The following HP1BP3 variants were observed in gnomAD, a reference collection of about 807,000 sequenced individuals.
HP1BP3 encodes heterochromatin protein 1-binding protein 3.
In HP1BP3, 12 loss-of-function variants were observed where a neutral mutation model predicts 62.5. The observed-to-expected ratio is 0.19, with a 90% CI of 0.12 to 0.31. The LOEUF (loss-of-function observed/expected upper bound fraction) is 0.31, where lower values mean the gene tolerates loss of function less well. Ranked by LOEUF, HP1BP3 falls within the 10% of genes least tolerant of loss-of-function variation. The pLI, the probability that HP1BP3 is intolerant of heterozygous loss-of-function variation, is 1.00. For synonymous variants in HP1BP3, 260 were observed against 237.8 expected, an observed-to-expected ratio of 1.09 and a Z score of -0.86; for missense variants, 502 against 651.8, an observed-to-expected ratio of 0.77 and a Z score of 2.50.
At chr1:20,772,781 GA>G (rs780129259) in intron 5 of HP1BP3, among the ~76,000 whole-genome samples, 1 of 152,190 alleles carries the variant, frequency 6.6e-6, no homozygotes, top group East Asian at 1.9e-4. Flanking sequence ...AAAATTAAAT[GA>G]AAAGACTTAT....
chr1:20,764,708 AC>A (rs567556047), intron 8 of HP1BP3, among the ~76,000 whole-genome samples: 3,890 of 149,028 alleles, frequency 0.026, 76 homozygotes, highest in Middle Eastern at 0.042. Context: ...AAAAAAAAAA[AC>A]CACACAAAAA....
At chr1:20,746,227 T>TGTGTGTGTGTGTGTGTGTGTGTGTG (rs1557633244) in intron 11 of HP1BP3, among the ~76,000 whole-genome samples, 6 of 145,930 alleles carry the variant, frequency 4.1e-5, no homozygotes, top group African/African-American at 1.5e-4. Flanking sequence ...TGTGTGTGTG[T>TGTGTGTGTGTGTGTGTGTGTGTGTG]TTCTTGCCTT....
At chr1:20,757,591 G>C (rs867696928) in intron 8 of HP1BP3, among the ~76,000 whole-genome samples, 1 of 151,828 alleles carries the variant, frequency 6.6e-6, no homozygotes, top group African/African-American at 2.4e-5. Context: ...GGCTGGTCTC[G>C]AACTCCCGAC....
intron 4 of HP1BP3, chr1:20,775,803 C>A: frequency 1.7e-6 from 1 of 574,748 alleles, no homozygotes; most frequent in Non-Finnish European, 2.9e-6. Context: ...CAGACTATCC[C>A]ATAAAGCCTA....
chr1:20,767,251 G>A (rs1454260859), intron 7 of HP1BP3, among the ~76,000 whole-genome samples: 2 of 152,190 alleles, frequency 1.3e-5, no homozygotes. Context: ...AGGAGGCGGA[G>A]GTTGCAGCTA....
At chr1:20,782,988 C>T (rs1200220417) in intron 1 of HP1BP3, among the ~76,000 whole-genome samples, 1 of 149,896 alleles carries the variant, frequency 6.7e-6, no homozygotes. Flanking sequence ...GGCACATGCC[C>T]GTAGTCCCAG....
intron 6 of HP1BP3, among the ~76,000 whole-genome samples, chr1:20,768,648 T>C (rs1419603630): frequency 1.3e-5 from 2 of 152,044 alleles, no homozygotes; most frequent in African/African-American, 4.8e-5. Context: ...GAAACCAGCC[T>C]GGCCAATGTG....
At chr1:20,784,208 G>T (rs1315110795) in intron 1 of HP1BP3, among the ~76,000 whole-genome samples, 1 of 151,994 alleles carries the variant, frequency 6.6e-6, no homozygotes, top group Non-Finnish European at 1.5e-5. Flanking sequence ...GGGCTCAAGC[G>T]ATCCATCTGC....
At chr1:20,776,003 C>T in intron 4 of HP1BP3, 1 of 1,425,292 alleles carries the variant, frequency 7.0e-7, no homozygotes, top group Non-Finnish European at 9.3e-7. Context: ...ACTATCAGCT[C>T]TCCTGCAAAA....
At chr1:20,756,425 G>C (rs1381897115) in intron 9 of HP1BP3, among the ~76,000 whole-genome samples, 5 of 151,830 alleles carry the variant, frequency 3.3e-5, no homozygotes, top group African/African-American at 4.8e-5. Flanking sequence ...AATTGGGGAA[G>C]ACGGATTATA....
intron 4 of HP1BP3, chr1:20,775,713 C>A: frequency 2.9e-6 from 1 of 348,520 alleles, no homozygotes; most frequent in Middle Eastern, 7.6e-4. Context: ...TTTAAATACA[C>A]AAATACTTAC....
In HP1BP3 at chr1:20,772,484, A is replaced by C. The variant is rs146910612; in HGVS notation, c.510+967T>G. Among the ~76,000 whole-genome samples the C allele has an allele frequency of 1.8e-4, 27 of 151,502 alleles. No individual in the cohort carries two copies. In the East Asian group the frequency reaches 5.0e-3, roughly 28 times the overall value. On this transcript the variant is annotated intron_variant, in intron 5 of 12. Transcript: ENST00000438032. ...AGATTTCACTACAGTGAGGTAATCT[A>C]GACCAATAAAGTTTTCTTAATGAGG...
chr1:20,784,502 C>A (rs1288352931), intron 1 of HP1BP3, among the ~76,000 whole-genome samples: 1 of 138,506 alleles, frequency 7.2e-6, no homozygotes, highest in Non-Finnish European at 1.5e-5. Context: ...TTTTTGAGAC[C>A]GAGTCTTGCT....
chr1:20,768,854 A>G (rs1247763579), intron 6 of HP1BP3, among the ~76,000 whole-genome samples: 1 of 152,188 alleles, frequency 6.6e-6, no homozygotes, highest in Non-Finnish European at 1.5e-5. Context: ...CACAATAACT[A>G]AAGTCCTCCA....
intron 11 of HP1BP3, 66 bp downstream of exon 11, chr1:20,747,477 TA>T: frequency 1.0e-6 from 1 of 997,010 alleles, no homozygotes; most frequent in South Asian, 1.5e-5. Flanking sequence ...AAGGGTAAAA[TA>T]AATTAAACTG....
In HP1BP3 at chr1:20,770,913, TAAC is replaced by T. The variant is rs756452835; in HGVS notation, c.654+14_654+16del. ...ATACACAATGAAATGATCTTACTACTAACAATTGTGTAATACCTGTTTGATGAC... is the reference window on the plus strand; with the variant it reads ...ATACACAATGAAATGATCTTACTACTAATTGTGTAATACCTGTTTGATGAC... On this transcript the variant is annotated intron_variant, in intron 6 of 12. Transcript: ENST00000438032. 1 of 1,564,084 alleles carries T rather than the reference TAAC, an allele frequency of 6.4e-7. No homozygotes were observed. The highest frequency in any genetic ancestry group is 2.0e-5 in the Admixed American group (1 of 50,046).
chr1:20,771,753 T>G (rs1468016945), intron 5 of HP1BP3, among the ~76,000 whole-genome samples: 1 of 152,226 alleles, frequency 6.6e-6, no homozygotes, highest in Non-Finnish European at 1.5e-5. Flanking sequence ...AATTTTGTTT[T>G]CCAACTGGTC....
Position 20,780,446 on chromosome 1 carries a change from A to G in HP1BP3, c.-6T>C, listed in dbSNP as rs754496456. 1.2e-6 allele frequency: 2 copies of G among 1,603,268 alleles called. No individual in the cohort carries two copies. The highest frequency in any genetic ancestry group is 2.2e-5 in the East Asian group (1 of 44,846). ...TGAGACGTATCAGTCGCCATTTTAA[A>G]TAATTTCTAGGCCCGAGTACAGGTT... On this transcript the variant is annotated 5_prime_UTR_variant, in exon 2 of 13. Coordinates refer to ENST00000438032, the MANE Select transcript of HP1BP3 (RefSeq NM_001372052.1).
At chr1:20,756,934 TCC>T (rs1295550701) in intron 9 of HP1BP3, among the ~76,000 whole-genome samples, 9 of 152,144 alleles carry the variant, frequency 5.9e-5, no homozygotes, top group Non-Finnish European at 1.0e-4. Context: ...GGTCTCGAAC[TCC>T]CAACCGCAGG....
Sources: allele counts gnomAD v4.1 joint callset (sites outside exome capture counted in the v4.1 genomes callset), GRCh38; gene constraint gnomAD v4.1.1; transcripts MANE v1.5; gene names NCBI Gene and HGNC (gene_info 2026-07-23, HGNC 2026-07-21).